Variants in NAV2 observed in about 807,000 individuals in gnomAD.
The protein encoded by NAV2 is neuron navigator 2.
NAV2 carries 54 observed loss-of-function variants against 223.2 expected under a neutral mutation model. The observed-to-expected ratio is 0.24, with a 90% CI of 0.19 to 0.30. The LOEUF is 0.30. NAV2 is among the 10% of genes least tolerant of loss of function. The pLI, the probability that NAV2 is intolerant of heterozygous loss-of-function variation, is 1.00. For synonymous variants in NAV2, 1,279 were observed against 1,239.3 expected, an observed-to-expected ratio of 1.03 and a Z score of -0.67; for missense variants, 2,806 against 3,147.5, an observed-to-expected ratio of 0.89 and a Z score of 2.60.
chr11:19,638,504 T>A (rs2047567138), intron 1 of NAV2, among the ~76,000 whole-genome samples: 1 of 152,248 alleles, frequency 6.6e-6, no homozygotes, highest in Non-Finnish European at 1.5e-5. Context: ...ACTAACACTA[T>A]CTAACAGTTG....
chr11:19,453,401 T>C (rs560817547), intron 1 of NAV2, among the ~76,000 whole-genome samples: 4 of 152,338 alleles, frequency 2.6e-5, no homozygotes, highest in Non-Finnish European at 5.9e-5. Context: ...TTCTTGGGAC[T>C]CTGACAAAGT....
At chr11:19,986,788 A>G (rs1409425429) in intron 11 of NAV2, among the ~76,000 whole-genome samples, 1 of 152,260 alleles carries the variant, frequency 6.6e-6, no homozygotes. Context: ...ATTCTAGAAT[A>G]TGCTAAATTT....
chr11:19,895,100 CTTTCTTTTT>C, intron 6 of NAV2, among the ~76,000 whole-genome samples: 5 of 105,080 alleles, frequency 4.8e-5, no homozygotes, highest in Admixed American at 1.2e-4. Flanking sequence ...TTTTCTTTTT[CTTTCTTTTT>C]TTTTTTTTTT....
chr11:19,361,281 T>C (rs1853923862), intron 1 of NAV2, among the ~76,000 whole-genome samples: 1 of 149,582 alleles, frequency 6.7e-6, no homozygotes, highest in African/African-American at 2.4e-5. Flanking sequence ...GTGGGTCTAC[T>C]TTGGGACTAC....
chr11:20,010,373 G>A (rs924866512), intron 11 of NAV2, among the ~76,000 whole-genome samples: 1 of 152,186 alleles, frequency 6.6e-6, no homozygotes, highest in African/African-American at 2.4e-5. Flanking sequence ...GAACACTTAG[G>A]TCAATTGGCT....
intron 1 of NAV2, among the ~76,000 whole-genome samples, chr11:19,636,226 A>C (rs1266270634): frequency 2.0e-5 from 3 of 152,156 alleles, no homozygotes; most frequent in African/African-American, 7.2e-5. Flanking sequence ...TATGTTTCTT[A>C]TGCCTTTGTT....
chr11:19,972,919 C>T (rs776628027), intron 10 of NAV2, among the ~76,000 whole-genome samples: 4 of 152,188 alleles, frequency 2.6e-5, no homozygotes, highest in Non-Finnish European at 5.9e-5. Context: ...TGGGCAAAGT[C>T]CTACATGTGA....
At chr11:19,757,456 G>A (rs991104776) in intron 1 of NAV2, among the ~76,000 whole-genome samples, 2 of 152,192 alleles carry the variant, frequency 1.3e-5, no homozygotes, top group African/African-American at 4.8e-5. Flanking sequence ...AAGAGAGTTT[G>A]AATTTCTGAA....
intron 1 of NAV2, among the ~76,000 whole-genome samples, chr11:19,548,222 G>A (rs902898380): frequency 1.2e-4 from 19 of 152,180 alleles, no homozygotes; most frequent in African/African-American, 2.4e-5. Flanking sequence ...TAAAGAAAGG[G>A]CATAACAATG....
At position 19,488,002 on chromosome 11, in the gene NAV2, T is replaced by A. The variant is rs187584874; in HGVS notation, c.75+136975T>A. Among the ~76,000 whole-genome samples, 141 of 152,112 alleles carry A rather than the reference T, an allele frequency of 9.3e-4. 1 individual carries two copies. The highest frequency in any genetic ancestry group is 1.0e-3 in the Non-Finnish European group (69 of 68,000). On this transcript the variant is annotated intron_variant, in intron 1 of 37. Coordinates refer to the NAV2 transcript ENST00000360655. ...TGCATGCTTCTAGAGTTTAGGGGAG[T>A]CATGGATGTAAAAAGCCAGAGACAT...
At chr11:19,925,081 A>T (rs78002399) in intron 6 of NAV2, among the ~76,000 whole-genome samples, 11 of 152,312 alleles carry the variant, frequency 7.2e-5, no homozygotes, top group African/African-American at 2.6e-4. Context: ...GGCCATTTGC[A>T]TATCTTCTTT....
intron 1 of NAV2, among the ~76,000 whole-genome samples, chr11:19,671,048 A>G (rs555156282): frequency 6.6e-6 from 1 of 152,340 alleles, no homozygotes; most frequent in African/African-American, 2.4e-5. Flanking sequence ...TCCGGGGTGC[A>G]TGCTAAGTGC....
At chr11:19,978,561 T>G (rs546630112) in intron 10 of NAV2, 1 of 152,024 alleles carries the variant, frequency 6.6e-6, no homozygotes, top group African/African-American at 2.4e-5. Context: ...GTCCAAAAAA[T>G]AGAGACAGGC....
At chr11:19,650,206 C>T (rs1335486264) in intron 1 of NAV2, among the ~76,000 whole-genome samples, 1 of 152,186 alleles carries the variant, frequency 6.6e-6, no homozygotes, top group Non-Finnish European at 1.5e-5. Flanking sequence ...TCCAATATGA[C>T]TGGCACCCTT....
At chr11:19,515,545 G>A (rs1054994337) in intron 1 of NAV2, among the ~76,000 whole-genome samples, 2 of 152,090 alleles carry the variant, frequency 1.3e-5, no homozygotes, top group Admixed American at 1.3e-4. Context: ...TAACTTTCCA[G>A]TTTCTACATA....
chr11:19,467,123 G>A (rs1176321864), intron 1 of NAV2, among the ~76,000 whole-genome samples: 1 of 151,536 alleles, frequency 6.6e-6, no homozygotes, highest in Non-Finnish European at 1.5e-5. Flanking sequence ...TAATTCTCTA[G>A]CTCAATTTTT....
intron 23 of NAV2, 80 bp downstream of exon 23, chr11:20,077,715 C>G (rs2059850740): frequency 8.8e-7 from 1 of 1,138,914 alleles, no homozygotes; most frequent in Non-Finnish European, 1.3e-6. Context: ...CATTTCAGAT[C>G]ATTGTGTGGA....
intron 1 of NAV2, among the ~76,000 whole-genome samples, chr11:19,630,522 C>G (rs1428904319): frequency 6.6e-6 from 1 of 152,080 alleles, no homozygotes; most frequent in East Asian, 1.9e-4. Context: ...GAGCAGGACC[C>G]CCACTTCTAC....
chr11:19,542,973 G>A (rs1187688239), intron 1 of NAV2, among the ~76,000 whole-genome samples: 1 of 151,924 alleles, frequency 6.6e-6, no homozygotes, highest in African/African-American at 2.4e-5. Context: ...CTTTAATAAG[G>A]TTTCCATGTC....
Sources: gnomAD v4.1 joint callset for allele counts (sites outside exome capture counted in the v4.1 genomes callset) on GRCh38, gnomAD v4.1.1 for gene constraint, MANE v1.5 for transcripts, NCBI Gene and HGNC (gene_info 2026-07-23, HGNC 2026-07-21) for gene names.